The following TRIM24 variants were observed in gnomAD, a reference collection of about 807,000 sequenced individuals.
TRIM24 encodes the protein tripartite motif containing 24.
TRIM24 carries 29 observed loss-of-function variants against 123.9 expected under a neutral mutation model. The ratio of observed to expected loss-of-function variants is 0.23; its 90% confidence interval spans 0.17 to 0.32. The LOEUF (loss-of-function observed/expected upper bound fraction) is 0.32. TRIM24 is among the 10% of genes least tolerant of loss of function. TRIM24 has a pLI of 1.00. For missense variants in TRIM24, 932 were observed against 1,295.3 expected (o/e 0.72, Z 4.31); for synonymous variants, 456 against 461.1 (o/e 0.99, Z 0.14).
intron 3 of TRIM24, among the ~76,000 whole-genome samples, chr7:138,517,752 T>G (rs1020583894): frequency 2.6e-5 from 4 of 152,148 alleles, no homozygotes; most frequent in Non-Finnish European, 5.9e-5. Context: ...GGGGACTGAT[T>G]TGTGCATTAT....
At chr7:138,506,991 TA>T (rs1796165012) in intron 2 of TRIM24, among the ~76,000 whole-genome samples, 1 of 152,128 alleles carries the variant, frequency 6.6e-6, no homozygotes, top group South Asian at 2.1e-4. Context: ...AGAGATGTTT[TA>T]CTGCCTGGAT....
rs558157977 is a variant in TRIM24, at chr7:138,575,111, C to G, written c.2015-1262C>G. ...CTCATGGACTACTGTTTAGTGAAAA[C>G]AAGTATACAGAACCATATAAAAGAT... is the stretch of plus-strand genomic sequence containing the variant. On this transcript the variant is annotated intron_variant, in intron 12 of 18. Coordinates refer to ENST00000343526, the MANE Select transcript of TRIM24 (RefSeq NM_015905.3). Among the ~76,000 whole-genome samples the G allele has an allele frequency of 5.3e-5, 8 of 152,064 alleles. No homozygotes were observed. In the South Asian group the frequency reaches 1.2e-3, roughly 24 times the overall value.
chr7:138,579,147 G>T (rs1452552682), intron 14 of TRIM24, 57 bp from the exon 15 acceptor site: 2 of 1,418,292 alleles, frequency 1.4e-6, no homozygotes, highest in African/African-American at 2.9e-5. Flanking sequence ...GTTCAGAATT[G>T]CATTAGTGAT....
At chr7:138,568,409 T>TTTTTTTTTA (rs1491153957) in intron 10 of TRIM24, among the ~76,000 whole-genome samples, 1 of 117,322 alleles carries the variant, frequency 8.5e-6, no homozygotes, top group Non-Finnish European at 1.7e-5. Context: ...TTTTTTTTTT[T>TTTTTTTTTA]AAAGTCTCTC....
intron 5 of TRIM24, among the ~76,000 whole-genome samples, chr7:138,528,088 A>G (rs1796649633): frequency 6.6e-6 from 1 of 151,906 alleles, no homozygotes; most frequent in Admixed American, 6.6e-5. Context: ...GACTCTTGCT[A>G]TGCGGCCTAG....
intron 7 of TRIM24, among the ~76,000 whole-genome samples, chr7:138,540,115 T>C (rs1382968942): frequency 2.0e-5 from 3 of 152,194 alleles, no homozygotes; most frequent in African/African-American, 7.2e-5. Flanking sequence ...AATACTTTAT[T>C]GCCAAAAATG....
chr7:138,548,662 C>CT (rs1315407202), intron 7 of TRIM24, among the ~76,000 whole-genome samples: 12 of 152,154 alleles, frequency 7.9e-5, no homozygotes, highest in Non-Finnish European at 1.2e-4. Flanking sequence ...CTTACCGTAA[C>CT]TTTTTAACTT....
rs2116628332 is a variant in TRIM24, at chr7:138,550,068, GT to G, written c.1144-993del. Among the ~76,000 whole-genome samples the G allele has an allele frequency of 2.0e-5, 3 of 152,270 alleles. 1 individual carries two copies. In the South Asian group the frequency reaches 6.2e-4, roughly 32 times the overall value. On this transcript the variant is annotated intron_variant, in intron 7 of 18. Coordinates refer to ENST00000343526, the MANE Select transcript of TRIM24 (RefSeq NM_015905.3). ...AAAAGAAAAAAGAAAGTAGGAAATA[GT>G]TATTTAAGAAAGTAGGGAAGTGAAT...
In TRIM24 at chr7:138,490,771, C is replaced by G. The variant is rs190921014; in HGVS notation, c.365-13519C>G. ...TGGAGAGGAGAAATAGATTGGCAAG[C>G]CTTTTCTATGTCTTTTCCAGTGCTA... On this transcript the variant is annotated intron_variant, in intron 1 of 18. Transcript: ENST00000343526. 24 of 497,220 alleles carry G rather than the reference C, an allele frequency of 4.8e-5. 1 individual carries two copies. The highest frequency in any genetic ancestry group is 2.2e-4 in the East Asian group (4 of 17,808). 30.8% of individuals were successfully genotyped at this position (497,220 alleles called of 1,614,324 possible). A position where few individuals can be genotyped will look rare whatever the true frequency, so the allele number is the denominator to read the frequency against.
Position 138,460,558 on chromosome 7 carries a change from G to A in TRIM24, c.10G>A (p.Ala4Thr). The change falls in exon 1 of 19, where the codon GCG becomes ACG. Residue 4 changes from alanine (A) to threonine (T), a missense_variant. Physicochemically the swap from Ala to Thr is moderately conservative, Grantham distance 58. This residue lies in a region of TRIM24 where 164 missense variants were observed against 181.9 expected (regional missense o/e 0.90). Transcript: ENST00000343526. MEV[A>T]VEKAVAAAAA... ...CGGCAAGGGCAGGACAATGGAGGTG[G>A]CGGTGGAGAAGGCGGTGGCGGCGGC... 1.5e-6 allele frequency: 2 copies of A among 1,309,902 alleles called. No homozygotes were observed. Among genetic ancestry groups the A allele is most frequent in the Non-Finnish European group, 1.9e-6 (2 of 1,039,590 alleles). The allele number at this position is 1,309,902 out of a possible 1,614,324, so 81.1% of individuals were successfully genotyped here.
At chr7:138,581,830 A>G (rs1797901048) in intron 17 of TRIM24, 59 bp downstream of exon 17, 1 of 1,337,640 alleles carries the variant, frequency 7.5e-7, no homozygotes, top group African/African-American at 1.5e-5. Flanking sequence ...CTGGAATTTT[A>G]TGAGAATCTA....
Position 138,504,443 on chromosome 7 carries a change from AGCTCT to A in TRIM24, c.483+36_483+40del, listed in dbSNP as rs1796104677. 3.9e-4 allele frequency: 251 copies of A among 641,334 alleles called. 3 individuals are homozygous for A. Among genetic ancestry groups the A allele is most frequent in the Non-Finnish European group, 5.0e-4 (211 of 423,122 alleles). 39.7% of individuals were successfully genotyped at this position (641,334 alleles called of 1,614,324 possible). On this transcript the variant is annotated intron_variant, in intron 2 of 18. Transcript: ENST00000343526. ...TTACATCTTGAACCTTTTGCCTGCC[AGCTCT>A]TTTTTTTTTTTTTTTTTTTTTTTTT...
In TRIM24 at chr7:138,586,657, G is replaced by C. The variant is rs1041634793; in HGVS notation, c.*1706G>C. 4 of 152,212 alleles carry C rather than the reference G, an allele frequency of 2.6e-5. No homozygotes were observed. Among genetic ancestry groups the C allele is most frequent in the African/African-American group, 9.6e-5 (4 of 41,458 alleles). The allele number at this position is 152,212 out of a possible 1,614,324, so 9.4% of individuals were successfully genotyped here. On this transcript the variant is annotated 3_prime_UTR_variant, in exon 19 of 19. Transcript: ENST00000343526. The stretch of plus-strand genomic sequence containing the variant: ...GCATTTGACATTTGTTCTCCAAAGA[G>C]TGTTTGAACAGATTTTGATAACAGT...
chr7:138,512,655 C>T (rs989556807), intron 2 of TRIM24, among the ~76,000 whole-genome samples: 4 of 152,126 alleles, frequency 2.6e-5, no homozygotes, highest in African/African-American at 9.7e-5. Flanking sequence ...GGCTGGGACA[C>T]AGGGAGCAGT....
At position 138,584,012 on chromosome 7, in the gene TRIM24, G is replaced by A. The variant is rs1797960993; in HGVS notation, c.2943+13G>A. ...TGAATTCAATGAGGTGAGGCTAGGG[G>A]AGGGAAGGGGGCAGGAAGGAACAGC... On this transcript the variant is annotated intron_variant, in intron 18 of 18. Coordinates refer to ENST00000343526, the MANE Select transcript of TRIM24 (RefSeq NM_015905.3). 1.3e-6 allele frequency: 2 copies of A among 1,594,734 alleles called. No homozygotes were observed. Among genetic ancestry groups the A allele is most frequent in the Non-Finnish European group, 1.7e-6 (2 of 1,174,864 alleles).
intron 4 of TRIM24, among the ~76,000 whole-genome samples, chr7:138,520,510 G>A (rs931586194): frequency 7.9e-5 from 12 of 152,058 alleles, no homozygotes; most frequent in South Asian, 2.1e-4. Context: ...TAGACAATGC[G>A]AACATAGTGA....
rs1798046109 is a variant in TRIM24 at position 138,587,912 on chromosome 7, T to G, written c.*2961T>G. The stretch of plus-strand genomic sequence containing the variant: ...TACATTTTAGATCGGTATCTGGCAT[T>G]GTAATCATTTTGTCTTTTGAATTAA... On this transcript the variant is annotated 3_prime_UTR_variant, in exon 19 of 19. Transcript: ENST00000343526. 6.6e-6 allele frequency: 1 copy of G among 152,230 alleles called. No individual in the cohort carries two copies. Among genetic ancestry groups the G allele is most frequent in the Admixed American group, 6.5e-5 (1 of 15,286 alleles). 9.4% of individuals were successfully genotyped at this position (152,230 alleles called of 1,614,324 possible).
chr7:138,519,054 G>A, intron 3 of TRIM24, 135 bp from the exon 4 acceptor site: 2 of 996,122 alleles, frequency 2.0e-6, no homozygotes, highest in Non-Finnish European at 2.9e-6. Flanking sequence ...GTAATTCTTA[G>A]TGAAAGTTAT....
At chr7:138,568,877 T>C (rs1797594147) in intron 10 of TRIM24, among the ~76,000 whole-genome samples, 1 of 152,214 alleles carries the variant, frequency 6.6e-6, no homozygotes, top group Non-Finnish European at 1.5e-5. Context: ...ATAACATCCA[T>C]TTTAATAAAA....
Sources: allele counts gnomAD v4.1 joint callset (sites outside exome capture counted in the v4.1 genomes callset), GRCh38; gene constraint gnomAD v4.1.1; regional missense constraint gnomAD v4.1.1; transcripts MANE v1.5; gene names NCBI Gene and HGNC (gene_info 2026-07-23, HGNC 2026-07-21).